Variants in SH2D3C observed in about 807,000 individuals in gnomAD.
SH2D3C encodes SH2 domain containing 3C, also known as SH2 domain-containing protein 3C.
Under a neutral mutation model 75.2 loss-of-function variants are expected in SH2D3C, and 25 were observed. The observed-to-expected ratio is 0.33, with a 90% CI of 0.24 to 0.46. SH2D3C has a LOEUF of 0.46. SH2D3C is among the 20% of genes least tolerant of loss of function. SH2D3C has a pLI of 1.00. For synonymous variants in SH2D3C, 450 were observed against 473.7 expected, an observed-to-expected ratio of 0.95 and a Z score of 0.65; for missense variants, 933 against 1,165.3, an observed-to-expected ratio of 0.80 and a Z score of 2.90.
intron 6 of SH2D3C, among the ~76,000 whole-genome samples, chr9:127,746,619 A>G (rs906760620): frequency 1.3e-5 from 2 of 152,202 alleles, no homozygotes; most frequent in African/African-American, 4.8e-5. Context: ...CCTGGCCAAC[A>G]TGGTGAAACC....
At chr9:127,771,515 AC>A in intron 2 of SH2D3C, 1 of 518,648 alleles carries the variant, frequency 1.9e-6, no homozygotes, top group Non-Finnish European at 3.0e-6. Context: ...GCCCCCTAGC[AC>A]ACCCCTCCGC....
chr9:127,739,871 T>C lies in SH2D3C; in HGVS notation c.2218A>G (p.Asn740Asp). 6.5e-7 allele frequency: 1 copy of C among 1,544,254 alleles called. No homozygotes were observed. The highest frequency in any genetic ancestry group is 8.8e-7 in the Non-Finnish European group (1 of 1,139,764). ...GGCAGCACATGAGGAAACGTGGTGT[T>C]GCTCAGCGGCGGGCCTTCTGCAAGG... ...NEGKEGPPLS[N>D]TTFPHVLPLI... Residue 740 changes from asparagine (N) to aspartate (D), a missense_variant, in exon 11 of 12, where the codon AAC (asparagine) becomes GAC (aspartate). Asn to Asp is a conservative substitution (Grantham distance 23). Coordinates refer to ENST00000314830, the MANE Select transcript of SH2D3C (RefSeq NM_170600.3). The surrounding 1 kb of genome is among the most constrained non-coding windows in gnomAD (Gnocchi z 4.3).
intron 9 of SH2D3C, 116 bp from the exon 10 acceptor site, chr9:127,740,485 T>G (rs1362138178): frequency 7.4e-6 from 5 of 674,008 alleles, no homozygotes; most frequent in Non-Finnish European, 1.3e-5. Context: ...TGGCCATCCT[T>G]CATGTACCAG....
intron 3 of SH2D3C, among the ~76,000 whole-genome samples, chr9:127,758,449 C>T (rs1036261113): frequency 1.2e-4 from 18 of 152,108 alleles, no homozygotes; most frequent in African/African-American, 4.1e-4. Context: ...ACATTCCTCA[C>T]AGGGATCTCA....
chr9:127,746,204 G>A (rs1028784873), intron 6 of SH2D3C, among the ~76,000 whole-genome samples: 1 of 152,122 alleles, frequency 6.6e-6, no homozygotes, highest in African/African-American at 2.4e-5. Context: ...TTGTAGTTAT[G>A]ACAAAGTTGG....
intron 3 of SH2D3C, among the ~76,000 whole-genome samples, chr9:127,761,249 T>A (rs1845517520): frequency 6.6e-6 from 1 of 152,240 alleles, no homozygotes; most frequent in Non-Finnish European, 1.5e-5. Context: ...TCCTGCTCCC[T>A]GCTTCCAGCG....
rs777457171 is a variant in SH2D3C at position 127,745,019 on chromosome 9, G to A, written c.1345C>T (p.Pro449Ser). 6.6e-7 allele frequency: 1 copy of A among 1,516,086 alleles called. No homozygotes were observed. The highest frequency in any genetic ancestry group is 1.3e-5 in the South Asian group (1 of 74,708). 93.9% of individuals were successfully genotyped at this position (1,516,086 alleles called of 1,614,324 possible). A position where few individuals can be genotyped will look rare whatever the true frequency, so the allele number is the denominator to read the frequency against. The change falls in exon 7 of 12, where the codon CCC (proline) becomes TCC (serine). Residue 449 changes from proline to serine, a missense_variant. By Grantham distance (74) the Pro-to-Ser change is moderately conservative. Transcript: ENST00000314830. ...GGGGCACTTCCGGGACACAGCTGGGGCTCACTGGAACGGCGGGCGACAGGG... is the reference window on the plus strand; with the variant it reads ...GGGGCACTTCCGGGACACAGCTGGGACTCACTGGAACGGCGGGCGACAGGG... ...ASPVARRSSEPQLCPGSAPKT... is the reference protein window; with the variant it reads ...ASPVARRSSESQLCPGSAPKT...
chr9:127,756,527 C>T (rs974527939), intron 3 of SH2D3C, among the ~76,000 whole-genome samples: 2 of 151,308 alleles, frequency 1.3e-5, no homozygotes, highest in African/African-American at 4.9e-5. Context: ...ATTTTATGGT[C>T]TTGGAATTTA....
chr9:127,755,339 C>T (rs1845348835), intron 3 of SH2D3C: 3 of 645,470 alleles, frequency 4.6e-6, no homozygotes, highest in Non-Finnish European at 6.4e-6. Context: ...CTCCAGCCGG[C>T]CAGGGGAGGG....
rs1029319245 is a variant in SH2D3C, at chr9:127,749,767, C to T, written c.685-102G>A. The T allele has an allele frequency of 5.7e-5, 41 of 717,420 alleles. No homozygotes were observed. The highest frequency in any genetic ancestry group is 1.9e-4 in the Admixed American group (9 of 46,986). 44.4% of individuals were successfully genotyped at this position (717,420 alleles called of 1,614,324 possible). The stretch of plus-strand genomic sequence containing the variant: ...CCCAGGATTAGGGGGCACAGCAAGA[C>T]CAGACCCAGGGCATAGAGGACCCAA... On this transcript the variant is annotated intron_variant, in intron 4 of 11. Transcript: ENST00000314830. The surrounding 1 kb of genome is among the most constrained non-coding windows in gnomAD (Gnocchi z 5.9).
intron 2 of SH2D3C, among the ~76,000 whole-genome samples, chr9:127,768,080 TGA>T (rs1050595346): frequency 1.6e-4 from 24 of 151,998 alleles, no homozygotes; most frequent in African/African-American, 4.8e-4. Context: ...CCACAGGAAA[TGA>T]GAGCCGGGAG....
chr9:127,776,973 T>G (rs1829019865), intron 1 of SH2D3C, among the ~76,000 whole-genome samples: 1 of 151,970 alleles, frequency 6.6e-6, no homozygotes, highest in Non-Finnish European at 1.5e-5. Flanking sequence ...GCACCACTGG[T>G]TTTGCCTCCT....
chr9:127,771,418 G>A, intron 2 of SH2D3C: 3 of 1,279,874 alleles, frequency 2.3e-6, no homozygotes, highest in Non-Finnish European at 2.0e-6. Flanking sequence ...TCCACCGGCA[G>A]GGAAGGACGC....
intron 9 of SH2D3C, among the ~76,000 whole-genome samples, chr9:127,740,871 C>T (rs759167064): frequency 3.9e-5 from 6 of 152,052 alleles, no homozygotes; most frequent in Middle Eastern, 3.2e-3. Flanking sequence ...TTAGTAGAGA[C>T]GGGGTTTCAC....
intron 2 of SH2D3C, chr9:127,767,263 T>G: frequency 1.4e-6 from 2 of 1,455,240 alleles, no homozygotes; most frequent in South Asian, 2.8e-5. Context: ...GCCACCCAAG[T>G]CTCAAAACCT....
chr9:127,751,181 G>C lies in SH2D3C; in HGVS notation c.675C>G (p.Ile225Met), dbSNP rs1344589910. 1.9e-6 allele frequency: 3 copies of C among 1,613,950 alleles called. No homozygotes were observed. Among genetic ancestry groups the C allele is most frequent in the Non-Finnish European group, 1.7e-6 (2 of 1,180,026 alleles). ...CTCGGGGCCTACTCACCTCTCGGGG[G>C]ATGCGGCCATGGTACCAGGCATGGC... The part of the protein sequence containing the change: ...LRSHAWYHGR[I>M]PREVSETLVQ... The change falls in exon 4 of 12, where the codon ATC becomes ATG. Residue 225 changes from isoleucine (I) to methionine (M), a missense_variant. By Grantham distance (10) the Ile-to-Met change is conservative. Transcript: ENST00000314830. This position sits in a 1 kb window ranked among gnomAD's most constrained non-coding sequence, Gnocchi z 4.1.
At chr9:127,759,766 G>A (rs993523818) in intron 3 of SH2D3C, among the ~76,000 whole-genome samples, 1 of 151,988 alleles carries the variant, frequency 6.6e-6, no homozygotes, top group Non-Finnish European at 1.5e-5. Flanking sequence ...GGCGGATCAC[G>A]AAGTCAGGAG....
chr9:127,759,028 C>T (rs1401906184), intron 3 of SH2D3C, among the ~76,000 whole-genome samples: 2 of 152,202 alleles, frequency 1.3e-5, no homozygotes, highest in South Asian at 2.1e-4. Context: ...CGCCCACTCA[C>T]GGCCACGGGC....
Position 127,749,148 on chromosome 9 carries a change from T to C in SH2D3C, c.1139+63A>G. ...ATCCCATTTCAGTGTACCTAGGCCTTCTCTTTCTCACTAGCCCTCTCATTA... is the reference window on the plus strand; with the variant it reads ...ATCCCATTTCAGTGTACCTAGGCCTCCTCTTTCTCACTAGCCCTCTCATTA... On this transcript the variant is annotated intron_variant, in intron 5 of 11. Transcript: ENST00000314830. This position sits in a 1 kb window ranked among gnomAD's most constrained non-coding sequence, Gnocchi z 5.9. The C allele has an allele frequency of 8.2e-7, 1 of 1,222,576 alleles. No homozygotes were observed. The highest frequency in any genetic ancestry group is 1.1e-6 in the Non-Finnish European group (1 of 874,848). 75.7% of individuals were successfully genotyped at this position (1,222,576 alleles called of 1,614,324 possible).
Sources: gnomAD v4.1 joint callset for allele counts (sites outside exome capture counted in the v4.1 genomes callset) on GRCh38, gnomAD v4.1.1 for gene constraint, Gnocchi (gnomAD v3.1) non-coding constraint, MANE v1.5 for transcripts, NCBI Gene and HGNC (gene_info 2026-07-23, HGNC 2026-07-21) for gene names.